PLEKHM3: variants seen among roughly 807,000 people sequenced by gnomAD.
PLEKHM3 encodes pleckstrin homology domain-containing family M member 3.
Under a neutral mutation model 81.8 loss-of-function variants are expected in PLEKHM3, and 45 were observed. That is an observed-to-expected ratio of 0.55 (90% CI 0.43 to 0.71). The LOEUF (loss-of-function observed/expected upper bound fraction) is 0.71, where lower values mean the gene tolerates loss of function less well. Among genes scored for constraint, PLEKHM3 ranks in the 30% least tolerant of loss-of-function variants. The pLI is 0.00. For missense variants in PLEKHM3, 788 were observed against 924.3 expected (o/e 0.85, Z 1.91); for synonymous variants, 352 against 356.4 (o/e 0.99, Z 0.14).
intron 7 of PLEKHM3, among the ~76,000 whole-genome samples, chr2:207,853,043 C>T (rs2092420730): frequency 6.6e-6 from 1 of 152,148 alleles, no homozygotes; most frequent in Admixed American, 6.5e-5. Context: ...GCCTGTCTGT[C>T]CCTAATAAAC....
intron 6 of PLEKHM3, among the ~76,000 whole-genome samples, chr2:207,874,399 A>G (rs2092550459): frequency 1.3e-5 from 2 of 151,858 alleles, no homozygotes; most frequent in Admixed American, 1.3e-4. Flanking sequence ...AAATGGACAA[A>G]CCCTGTCTTT....
chr2:207,850,565 A>G (rs1319159608), intron 7 of PLEKHM3, among the ~76,000 whole-genome samples: 1 of 152,238 alleles, frequency 6.6e-6, no homozygotes, highest in African/African-American at 2.4e-5. Flanking sequence ...GTGTTTATGT[A>G]CTTGTAATCT....
In PLEKHM3 at chr2:208,014,009, C is replaced by A. The variant is rs367645108; in HGVS notation, c.-319+11380G>T. On this transcript the variant is annotated intron_variant, in intron 1 of 7. Coordinates refer to ENST00000427836, the MANE Select transcript of PLEKHM3 (RefSeq NM_001080475.3). ...TAACTGGCATCCCGAGAGTATGAGA[C>A]CAGTGATAAGATCTAAGCAAAAAGG... Among the ~76,000 whole-genome samples the A allele has an allele frequency of 7.5e-4, 114 of 152,204 alleles. 1 individual carries two copies. The highest frequency in any genetic ancestry group is 2.6e-3 in the African/African-American group (108 of 41,504).
In PLEKHM3 at chr2:207,858,136, A is replaced by G. The variant is rs574466575; in HGVS notation, c.2108+2969T>C. ...AAATATTTTGGGGTTTCATATAGAT[A>G]TGTGTGTGTGTGTGTGTGTGTGTGT... On this transcript the variant is annotated intron_variant, in intron 7 of 7. Transcript: ENST00000427836. Among the ~76,000 whole-genome samples, 563 of 126,950 alleles carry G rather than the reference A, an allele frequency of 4.4e-3. 7 individuals are homozygous for G. The highest frequency in any genetic ancestry group is 0.014 in the African/African-American group (447 of 31,404). The allele number at this position is 126,950 out of a possible 152,430, so 83.3% of individuals were successfully genotyped here.
chr2:207,877,406 T>C (rs1171204992), intron 6 of PLEKHM3, among the ~76,000 whole-genome samples: 1 of 152,210 alleles, frequency 6.6e-6, no homozygotes, highest in Admixed American at 6.5e-5. Context: ...CATTTGCTCC[T>C]GCTAGCAGCT....
At chr2:207,996,340 G>A (rs1692121884) in intron 2 of PLEKHM3, among the ~76,000 whole-genome samples, 1 of 152,148 alleles carries the variant, frequency 6.6e-6, no homozygotes, top group Non-Finnish European at 1.5e-5. Flanking sequence ...ATGTGAAGGT[G>A]GAGAAAGGGA....
At chr2:207,868,349 T>G (rs1036638839) in intron 6 of PLEKHM3, among the ~76,000 whole-genome samples, 1 of 152,224 alleles carries the variant, frequency 6.6e-6, no homozygotes, top group East Asian at 1.9e-4. Flanking sequence ...TGGATAGTGG[T>G]GGACTCATTA....
At chr2:207,845,409 T>C (rs544937150) in intron 7 of PLEKHM3, among the ~76,000 whole-genome samples, 2 of 152,240 alleles carry the variant, frequency 1.3e-5, no homozygotes, top group Non-Finnish European at 1.5e-5. Flanking sequence ...CTCTTCCCTA[T>C]TGTGTGTTCA....
chr2:207,957,859 G>C (rs971222712), intron 3 of PLEKHM3, among the ~76,000 whole-genome samples: 33 of 152,308 alleles, frequency 2.2e-4, no homozygotes, highest in African/African-American at 7.7e-4. Flanking sequence ...CTCAACCAAG[G>C]GAGATTGTTG....
At chr2:207,867,645 C>A (rs926106097) in intron 6 of PLEKHM3, among the ~76,000 whole-genome samples, 2 of 152,000 alleles carry the variant, frequency 1.3e-5, no homozygotes, top group Admixed American at 1.3e-4. Flanking sequence ...CACACACACA[C>A]AAAATTATAT....
At chr2:207,848,305 T>C (rs890530755) in intron 7 of PLEKHM3, among the ~76,000 whole-genome samples, 1 of 152,182 alleles carries the variant, frequency 6.6e-6, no homozygotes, top group African/African-American at 2.4e-5. Flanking sequence ...AAACTACAGC[T>C]GGTTCCTCAG....
chr2:207,974,058 A>G (rs1363417901), intron 3 of PLEKHM3, among the ~76,000 whole-genome samples: 1 of 152,154 alleles, frequency 6.6e-6, no homozygotes, highest in Admixed American at 6.5e-5. Flanking sequence ...CTGATTCCGT[A>G]CTACTACCCT....
chr2:207,884,705 C>A (rs192632178), intron 6 of PLEKHM3, among the ~76,000 whole-genome samples: 19 of 152,236 alleles, frequency 1.2e-4, no homozygotes, highest in Admixed American at 1.2e-3. Context: ...AATAGAAAAT[C>A]AGTTTCTCTT....
chr2:207,896,833 T>G (rs898657224), intron 6 of PLEKHM3, among the ~76,000 whole-genome samples: 5 of 152,256 alleles, frequency 3.3e-5, no homozygotes, highest in Admixed American at 2.6e-4. Context: ...TCTCCGCAGC[T>G]GTAGAAAGAG....
intron 2 of PLEKHM3, among the ~76,000 whole-genome samples, chr2:207,983,828 C>T (rs772198557): frequency 6.6e-6 from 1 of 152,194 alleles, no homozygotes; most frequent in Non-Finnish European, 1.5e-5. Flanking sequence ...TCCTCTTTTG[C>T]CACTATTTCC....
chr2:207,883,952 C>T (rs868129185), intron 6 of PLEKHM3, among the ~76,000 whole-genome samples: 1 of 152,136 alleles, frequency 6.6e-6, no homozygotes, highest in African/African-American at 2.4e-5. Context: ...ATATGATCAT[C>T]TCAATAGACA....
intron 6 of PLEKHM3, among the ~76,000 whole-genome samples, chr2:207,874,766 A>G (rs1393049546): frequency 1.3e-5 from 2 of 151,326 alleles, no homozygotes; most frequent in African/African-American, 4.8e-5. Context: ...TAATTTTTGT[A>G]TTTTTAGTAG....
chr2:207,941,477 T>A (rs895639410), intron 4 of PLEKHM3, among the ~76,000 whole-genome samples: 11 of 152,096 alleles, frequency 7.2e-5, no homozygotes, highest in Non-Finnish European at 2.9e-5. Context: ...CAAATAAAAA[T>A]GTATTACAGA....
At chr2:207,892,008 C>T (rs920321369) in intron 6 of PLEKHM3, among the ~76,000 whole-genome samples, 2 of 152,138 alleles carry the variant, frequency 1.3e-5, no homozygotes, top group African/African-American at 2.4e-5. Context: ...TCCCTGGCCT[C>T]GAAACTGAGG....
Sources: gnomAD v4.1 joint callset for allele counts (sites outside exome capture counted in the v4.1 genomes callset) on GRCh38, gnomAD v4.1.1 for gene constraint, MANE v1.5 for transcripts, NCBI Gene and HGNC (gene_info 2026-07-23, HGNC 2026-07-21) for gene names.